Variants in NEGR1 observed in about 807,000 individuals in gnomAD.
The protein encoded by NEGR1 is neuronal growth regulator 1.
Under a neutral mutation model 40.9 loss-of-function variants are expected in NEGR1, and 10 were observed. The observed-to-expected ratio is 0.24, with a 90% confidence interval of 0.15 to 0.42. The LOEUF is 0.42. Among genes scored for constraint, NEGR1 ranks in the 10% least tolerant of loss-of-function variants. The pLI is 1.00. For missense variants in NEGR1, 352 were observed against 438.9 expected (o/e 0.80, Z 1.77); for synonymous variants, 185 against 166.8 (o/e 1.11, Z -0.84).
At chr1:71,747,600 C>T (rs1209733434) in intron 3 of NEGR1, among the ~76,000 whole-genome samples, 1 of 151,932 alleles carries the variant, frequency 6.6e-6, no homozygotes, top group Non-Finnish European at 1.5e-5. Flanking sequence ...AATTTCTGTA[C>T]TTTTTGTAGA....
At chr1:71,722,770 C>T (rs892780802) in intron 3 of NEGR1, among the ~76,000 whole-genome samples, 4 of 151,934 alleles carry the variant, frequency 2.6e-5, no homozygotes, top group African/African-American at 9.7e-5. Context: ...ATACAATAAG[C>T]TGCACACTCT....
chr1:71,946,515 G>C (rs1176609757), intron 1 of NEGR1, among the ~76,000 whole-genome samples: 2 of 150,958 alleles, frequency 1.3e-5, no homozygotes, highest in Non-Finnish European at 2.9e-5. Context: ...AGAGTGATGT[G>C]ATGTTCATTA....
At chr1:72,135,680 TTC>T (rs1205303335) in intron 1 of NEGR1, among the ~76,000 whole-genome samples, 3 of 152,076 alleles carry the variant, frequency 2.0e-5, no homozygotes, top group African/African-American at 7.2e-5. Context: ...ACAACGGAAT[TTC>T]ACAGAGAAAG....
At chr1:71,928,799 C>G (rs1645826700) in intron 2 of NEGR1, among the ~76,000 whole-genome samples, 1 of 151,970 alleles carries the variant, frequency 6.6e-6, no homozygotes, top group African/African-American at 2.4e-5. Context: ...GGGACTAATA[C>G]AGTCTTATTG....
At chr1:72,224,039 T>G (rs892820890) in intron 1 of NEGR1, among the ~76,000 whole-genome samples, 1 of 152,166 alleles carries the variant, frequency 6.6e-6, no homozygotes, top group African/African-American at 2.4e-5. Context: ...AAATTCATTA[T>G]GCTGATAAGT....
intron 1 of NEGR1, among the ~76,000 whole-genome samples, chr1:71,970,248 G>A (rs1417686453): frequency 6.6e-6 from 1 of 152,164 alleles, no homozygotes; most frequent in Non-Finnish European, 1.5e-5. Flanking sequence ...GGTGGGGAAA[G>A]AGACGTGAGC....
chr1:71,784,496 T>C (rs538161249), intron 2 of NEGR1, among the ~76,000 whole-genome samples: 2 of 152,150 alleles, frequency 1.3e-5, no homozygotes, highest in Non-Finnish European at 2.9e-5. Context: ...TGGGGCACCA[T>C]CCTGGAAGTA....
At position 71,407,030 on chromosome 1, in the gene NEGR1, T is replaced by C. The variant is rs1412496556; in HGVS notation, c.*416A>G. 6.5e-6 allele frequency: 1 copy of C among 153,064 alleles called. No individual in the cohort carries two copies. The highest frequency in any genetic ancestry group is 1.5e-5 in the Non-Finnish European group (1 of 68,324). 9.5% of individuals were successfully genotyped at this position (153,064 alleles called of 1,614,324 possible). ...AAAATGCATCTTTGTAAATGTGGATTGACTCTTATTGAAACAGGGAACTGA... is the reference window on the plus strand; with the variant it reads ...AAAATGCATCTTTGTAAATGTGGATCGACTCTTATTGAAACAGGGAACTGA... On this transcript the variant is annotated 3_prime_UTR_variant, in exon 7 of 7. Coordinates refer to ENST00000357731, the MANE Select transcript of NEGR1 (RefSeq NM_173808.3).
intron 1 of NEGR1, among the ~76,000 whole-genome samples, chr1:72,137,451 T>A (rs1650510960): frequency 6.6e-6 from 1 of 152,072 alleles, no homozygotes; most frequent in Admixed American, 6.6e-5. Flanking sequence ...TGCAGGGACA[T>A]GAATGAAACT....
intron 6 of NEGR1, among the ~76,000 whole-genome samples, chr1:71,448,350 G>A (rs1447217660): frequency 6.6e-6 from 1 of 152,264 alleles, no homozygotes; most frequent in Non-Finnish European, 1.5e-5. Flanking sequence ...TCTAATCCCA[G>A]CACTTTGGGA....
intron 6 of NEGR1, among the ~76,000 whole-genome samples, chr1:71,496,936 A>G (rs1646967750): frequency 6.6e-6 from 1 of 152,150 alleles, no homozygotes; most frequent in African/African-American, 2.4e-5. Context: ...CATTTTCACT[A>G]CTGGAAAATT....
At chr1:71,815,940 A>C (rs954720472) in intron 2 of NEGR1, among the ~76,000 whole-genome samples, 4 of 152,066 alleles carry the variant, frequency 2.6e-5, no homozygotes, top group Non-Finnish European at 4.4e-5. Flanking sequence ...GAACTTTGCT[A>C]CTTTTCCACT....
chr1:71,763,422 C>T (rs534818964), intron 3 of NEGR1, among the ~76,000 whole-genome samples: 3 of 152,210 alleles, frequency 2.0e-5, no homozygotes, highest in Non-Finnish European at 4.4e-5. Flanking sequence ...GTGAAGAGTA[C>T]ATGAAAACTC....
intron 2 of NEGR1, among the ~76,000 whole-genome samples, chr1:71,796,810 A>G (rs1657345026): frequency 6.6e-6 from 1 of 152,128 alleles, no homozygotes; most frequent in Admixed American, 6.6e-5. Context: ...ATTGCTTAGT[A>G]CCAAATAAGG....
At chr1:71,836,054 C>T (rs1387594804) in intron 2 of NEGR1, among the ~76,000 whole-genome samples, 1 of 152,094 alleles carries the variant, frequency 6.6e-6, no homozygotes, top group Non-Finnish European at 1.5e-5. Context: ...GGTGGCTGAT[C>T]AGGCTCCCTC....
intron 1 of NEGR1, among the ~76,000 whole-genome samples, chr1:71,946,143 G>T (rs1346679941): frequency 6.6e-6 from 1 of 151,984 alleles, no homozygotes; most frequent in Non-Finnish European, 1.5e-5. Flanking sequence ...TGACCTCCTG[G>T]GTTCAAGCGA....
chr1:71,531,031 TTA>T (rs1647342158), intron 6 of NEGR1, among the ~76,000 whole-genome samples: 1 of 151,362 alleles, frequency 6.6e-6, no homozygotes, highest in South Asian at 2.1e-4. Flanking sequence ...GGTACTATCC[TTA>T]TTGTACACCC....
At chr1:71,519,500 A>G (rs1647138373) in intron 6 of NEGR1, among the ~76,000 whole-genome samples, 2 of 76,504 alleles carry the variant, frequency 2.6e-5, no homozygotes, top group Non-Finnish European at 5.0e-5. Flanking sequence ...AACACCGCAT[A>G]TTCTCACTCA....
At chr1:72,162,177 T>G (rs1651589582) in intron 1 of NEGR1, among the ~76,000 whole-genome samples, 1 of 151,698 alleles carries the variant, frequency 6.6e-6, no homozygotes, top group African/African-American at 2.4e-5. Flanking sequence ...AAAGGCCAGG[T>G]GCAGTGGCTC....
Sources: allele counts gnomAD v4.1 joint callset (sites outside exome capture counted in the v4.1 genomes callset), GRCh38; gene constraint gnomAD v4.1.1; transcripts MANE v1.5; gene names NCBI Gene and HGNC (gene_info 2026-07-23, HGNC 2026-07-21).